KLF8: variants seen among roughly 807,000 people sequenced by gnomAD.
KLF8 encodes the protein KLF transcription factor 8.
In KLF8, 10 loss-of-function variants were observed where a neutral mutation model predicts 18.2. The ratio of observed to expected loss-of-function variants is 0.55; its 90% CI spans 0.34 to 0.93. The LOEUF (loss-of-function observed/expected upper bound fraction) is 0.93. Ranked by LOEUF, KLF8 falls within the 40% of genes least tolerant of loss-of-function variation. The probability of loss-of-function intolerance (pLI) is 0.02; values close to 1 mark genes in which losing one functional copy is unlikely to be tolerated. For missense variants in KLF8, 264 were observed against 277.9 expected (o/e 0.95, Z 0.36); for synonymous variants, 109 against 97.3 (o/e 1.12, Z -0.71).
the KLF8 span, among the ~76,000 whole-genome samples, chrX:56,199,756 A>G: frequency 1.8e-5 from 2 of 111,985 alleles, no homozygotes; most frequent in African/African-American, 6.5e-5. Flanking sequence ...ATTATAAATC[A>G]TGCTTCTATA....
At chrX:56,090,128 G>A in the KLF8 span, among the ~76,000 whole-genome samples, 4 of 111,842 alleles carry the variant, frequency 3.6e-5, no homozygotes, top group East Asian at 2.8e-4. Flanking sequence ...CAGGCTCATC[G>A]AAAGATTAAC....
chrX:56,281,200 T>G (rs2147696604), intron 5 of KLF8, among the ~76,000 whole-genome samples: 1 of 111,427 alleles, frequency 9.0e-6, no homozygotes, highest in Admixed American at 9.6e-5. Flanking sequence ...TCATCTGTCT[T>G]TTATAATAAG....
the KLF8 span, among the ~76,000 whole-genome samples, chrX:56,080,466 G>A: frequency 9.0e-6 from 1 of 111,257 alleles, no homozygotes; most frequent in African/African-American, 3.3e-5. Context: ...TAAGAATGTT[G>A]AATATTGGCC....
At chrX:56,147,795 A>G in the KLF8 span, among the ~76,000 whole-genome samples, 1 of 112,278 alleles carries the variant, frequency 8.9e-6, no homozygotes, top group African/African-American at 3.2e-5. Context: ...CCTGGCCAAC[A>G]TGGCGAAACT....
intron 2 of KLF8, among the ~76,000 whole-genome samples, chrX:56,253,764 C>CTTTTTTTTTTTTTTTTTTTTTTT (rs60291877): frequency 7.0e-4 from 42 of 60,111 alleles, no homozygotes; most frequent in Non-Finnish European, 8.1e-4. Context: ...TTTTCTTTTT[C>CTTTTTTTTTTTTTTTTTTTTTTT]TTTTTTTTTT....
the KLF8 span, among the ~76,000 whole-genome samples, chrX:56,175,159 G>T: frequency 9.0e-6 from 1 of 110,533 alleles, no homozygotes; most frequent in South Asian, 3.8e-4. Context: ...TGTTTGCTGT[G>T]GCTTCTCTGG....
At chrX:56,228,330 T>A (rs1423760400), upstream of KLF8, among the ~76,000 whole-genome samples, 1 of 111,682 alleles carries the variant, frequency 9.0e-6, no homozygotes, top group Non-Finnish European at 1.9e-5. Context: ...TGGCGGCCAA[T>A]CTAGGTTTTG....
intron 2 of KLF8, among the ~76,000 whole-genome samples, chrX:56,255,594 G>GT (rs920662352): frequency 1.8e-5 from 2 of 111,791 alleles, no homozygotes; most frequent in African/African-American, 6.5e-5. Flanking sequence ...TGTATCCCCA[G>GT]TTTTTTGAAG....
the KLF8 span, among the ~76,000 whole-genome samples, chrX:56,016,204 G>A: frequency 3.9e-3 from 434 of 111,677 alleles, 3 homozygotes; most frequent in Non-Finnish European, 6.2e-3. Context: ...CTGGCACAAC[G>A]CTAGCTTCTA....
intron 1 of KLF8, among the ~76,000 whole-genome samples, chrX:56,245,111 C>T (rs930676045): frequency 8.9e-6 from 1 of 112,388 alleles, no homozygotes; most frequent in African/African-American, 3.2e-5. Context: ...TATTTCCTTA[C>T]TGTAAAGCTA....
At chrX:56,194,114 GGAAC>G in the KLF8 span, among the ~76,000 whole-genome samples, 1 of 110,599 alleles carries the variant, frequency 9.0e-6, no homozygotes, top group Non-Finnish European at 1.9e-5. Flanking sequence ...TGGCCAAATA[GGAAC>G]AGCTCCAGGC....
Position 56,263,065 on chromosome X carries a change from C to A in KLF8, c.82-2115C>A, listed in dbSNP as rs1448185113. Among the ~76,000 whole-genome samples, 3 of 112,184 alleles carry A rather than the reference C, an allele frequency of 2.7e-5. No individual in the cohort carries two copies. The South Asian group carries it at 1.1e-3, about 42-fold the overall frequency. On this transcript the variant is annotated intron_variant, in intron 2 of 5. Coordinates refer to ENST00000468660, the MANE Select transcript of KLF8 (RefSeq NM_007250.5). ...TCTTTTTAATCTGGGAATGGAGCTA[C>A]TCAAGTGAAGAGTTATGTGGGAAAT...
the KLF8 span, among the ~76,000 whole-genome samples, chrX:56,121,432 C>T: frequency 5.4e-5 from 6 of 111,724 alleles, no homozygotes; most frequent in Non-Finnish European, 9.4e-5. Flanking sequence ...ACTGACTTGT[C>T]TATTGGCATT....
intron 2 of KLF8, among the ~76,000 whole-genome samples, chrX:56,256,854 C>A (rs1234041693): frequency 9.0e-6 from 1 of 111,148 alleles, no homozygotes; most frequent in African/African-American, 3.3e-5. Flanking sequence ...CAGGCATGTG[C>A]CACCACACCT....
At chrX:56,259,295 T>C (rs1311611880) in intron 2 of KLF8, among the ~76,000 whole-genome samples, 1 of 111,359 alleles carries the variant, frequency 9.0e-6, no homozygotes, top group Non-Finnish European at 1.9e-5. Context: ...AATAATGACA[T>C]TGTCCTACAT....
At chrX:56,201,111 A>G in the KLF8 span, among the ~76,000 whole-genome samples, 2 of 112,037 alleles carry the variant, frequency 1.8e-5, no homozygotes, top group African/African-American at 3.2e-5. Context: ...ACTTCTAGGT[A>G]TTTATCCAAA....
At chrX:55,944,231 G>A in the KLF8 span, among the ~76,000 whole-genome samples, 1 of 108,764 alleles carries the variant, frequency 9.2e-6, no homozygotes, top group Non-Finnish European at 1.9e-5. Flanking sequence ...GATTCGGTTT[G>A]CCAGTATTTT....
At chrX:56,034,748 CTTTT>C in the KLF8 span, among the ~76,000 whole-genome samples, 1 of 53,818 alleles carries the variant, frequency 1.9e-5, no homozygotes, top group African/African-American at 7.3e-5. Context: ...GAACTTATTT[CTTTT>C]TTTTTTTTTT....
chrX:56,179,005 T>C, the KLF8 span, among the ~76,000 whole-genome samples: 2 of 112,406 alleles, frequency 1.8e-5, no homozygotes, highest in East Asian at 5.6e-4. Context: ...AAGCAGTTTT[T>C]TTCAATTCTG....
Sources: gnomAD v4.1 joint callset for allele counts (sites outside exome capture counted in the v4.1 genomes callset) on GRCh38, gnomAD v4.1.1 for gene constraint, MANE v1.5 for transcripts, NCBI Gene and HGNC (gene_info 2026-07-23, HGNC 2026-07-21) for gene names.